Variants in ELF1 observed in about 807,000 individuals in gnomAD.
ELF1 encodes the protein E74 like ETS transcription factor 1, also known as ETS-related transcription factor Elf-1.
A neutral mutation model predicts 59.9 loss-of-function variants in ELF1; 24 were observed. The ratio of observed to expected loss-of-function variants is 0.40; its 90% CI spans 0.29 to 0.56. ELF1 has a LOEUF of 0.56. Among genes scored for constraint, ELF1 ranks in the 20% least tolerant of loss-of-function variants. The pLI, the probability that ELF1 is intolerant of heterozygous loss-of-function variation, is 0.44. For synonymous variants in ELF1, 248 were observed against 266.2 expected (o/e 0.93, Z 0.67); for missense variants, 627 against 742.2 (o/e 0.84, Z 1.80).
intron 1 of ELF1, among the ~76,000 whole-genome samples, chr13:41,040,713 TCTG>T (rs891830281): frequency 6.6e-6 from 1 of 152,170 alleles, no homozygotes; most frequent in Non-Finnish European, 1.5e-5. Context: ...TGCTCGCTCA[TCTG>T]CTGCTCATCT....
At chr13:41,040,410 A>G (rs985220396) in intron 1 of ELF1, among the ~76,000 whole-genome samples, 1 of 152,212 alleles carries the variant, frequency 6.6e-6, no homozygotes, top group Non-Finnish European at 1.5e-5. Context: ...ATACTTATAT[A>G]TGCATGATCT....
At chr13:40,946,366 G>A (rs1870509771) in intron 5 of ELF1, among the ~76,000 whole-genome samples, 1 of 152,114 alleles carries the variant, frequency 6.6e-6, no homozygotes, top group Non-Finnish European at 1.5e-5. Flanking sequence ...CACCCCAAAA[G>A]TACTTTGTGC....
At chr13:41,020,990 TA>T (rs1368853311), upstream of ELF1, among the ~76,000 whole-genome samples, 3 of 152,128 alleles carry the variant, frequency 2.0e-5, no homozygotes, top group South Asian at 6.2e-4. Context: ...CTTACAAAAC[TA>T]AAAATAAACA....
At chr13:41,009,026 C>G (rs1000454939) in intron 1 of ELF1, among the ~76,000 whole-genome samples, 24 of 151,782 alleles carry the variant, frequency 1.6e-4, no homozygotes, top group African/African-American at 5.6e-4. Flanking sequence ...TGGGCTCAAG[C>G]AATCCTCCTG....
At chr13:41,014,028 G>A (rs1593395752) in intron 1 of ELF1, among the ~76,000 whole-genome samples, 2 of 152,074 alleles carry the variant, frequency 1.3e-5, no homozygotes, top group African/African-American at 4.8e-5. Context: ...CGTAGATACT[G>A]CAGCATGTAA....
intron 1 of ELF1, among the ~76,000 whole-genome samples, chr13:41,009,265 T>C (rs1194544947): frequency 2.0e-5 from 3 of 151,738 alleles, no homozygotes; most frequent in Non-Finnish European, 2.9e-5. Flanking sequence ...ATAAAGACGA[T>C]GCAAAGATCA....
At chr13:41,019,838 CA>C (rs1875620140), upstream of ELF1, among the ~76,000 whole-genome samples, 1 of 152,074 alleles carries the variant, frequency 6.6e-6, no homozygotes, top group African/African-American at 2.4e-5. Context: ...GTTCACTAAA[CA>C]GATAAAATCC....
At chr13:41,010,265 A>C (rs1046081636) in intron 1 of ELF1, among the ~76,000 whole-genome samples, 5 of 142,128 alleles carry the variant, frequency 3.5e-5, no homozygotes, top group African/African-American at 5.3e-5. Flanking sequence ...AAAATAAAAA[A>C]GAAAGAAAGA....
chr13:41,054,102 C>A (rs1021608415), intron 1 of ELF1, among the ~76,000 whole-genome samples: 1 of 152,146 alleles, frequency 6.6e-6, no homozygotes. Context: ...CATTTCACAA[C>A]AGGCCTACAT....
At chr13:41,033,674 A>G (rs956753290) in intron 1 of ELF1, among the ~76,000 whole-genome samples, 13 of 152,210 alleles carry the variant, frequency 8.5e-5, no homozygotes, top group Non-Finnish European at 1.6e-4. Context: ...TATCTAGGTT[A>G]CGTGCTCCTT....
chr13:41,048,140 G>C (rs1418286108), intron 1 of ELF1, among the ~76,000 whole-genome samples: 2 of 152,200 alleles, frequency 1.3e-5, no homozygotes, highest in Admixed American at 6.5e-5. Flanking sequence ...ACAGTATTAG[G>C]GTGGGAGTGA....
upstream of ELF1, among the ~76,000 whole-genome samples, chr13:41,020,983 AC>A (rs1593399529): frequency 1.3e-5 from 2 of 152,338 alleles, no homozygotes; most frequent in East Asian, 3.9e-4. Context: ...AACCCACCTT[AC>A]AAAACTAAAA....
At chr13:41,042,464 C>G (rs1005975049) in intron 1 of ELF1, among the ~76,000 whole-genome samples, 3 of 152,080 alleles carry the variant, frequency 2.0e-5, no homozygotes, top group Admixed American at 1.3e-4. Context: ...CCCACTCCCC[C>G]GACCCCACAA....
chr13:41,060,650 C>T (rs1438908020), intron 1 of ELF1, among the ~76,000 whole-genome samples: 3 of 152,208 alleles, frequency 2.0e-5, no homozygotes, highest in Middle Eastern at 3.4e-3. Context: ...CTCACCCAGA[C>T]GGGGACAAGA....
chr13:41,025,933 G>A (rs1022014005), intron 1 of ELF1, among the ~76,000 whole-genome samples: 1 of 152,110 alleles, frequency 6.6e-6, no homozygotes, highest in Non-Finnish European at 1.5e-5. Context: ...ACCTGTCCAT[G>A]AGGCCCACCA....
chr13:41,044,807 A>G (rs571517433), intron 1 of ELF1, among the ~76,000 whole-genome samples: 1 of 152,200 alleles, frequency 6.6e-6, no homozygotes, highest in Non-Finnish European at 1.5e-5. Flanking sequence ...TGCTGGCCTC[A>G]TAAAATGAGT....
intron 1 of ELF1, among the ~76,000 whole-genome samples, chr13:41,034,545 A>G (rs1876295607): frequency 1.3e-5 from 2 of 152,170 alleles, no homozygotes; most frequent in South Asian, 4.1e-4. Flanking sequence ...GTAAAAATAA[A>G]TCTCTTTCAA....
upstream of ELF1, among the ~76,000 whole-genome samples, chr13:41,023,917 T>C (rs552258767): frequency 9.8e-5 from 15 of 152,306 alleles, no homozygotes; most frequent in East Asian, 3.9e-4. Flanking sequence ...TTCGTAAACA[T>C]TGAAATATCT....
Position 40,951,329 on chromosome 13 carries a change from T to G in ELF1, c.361A>C (p.Asn121His). 5 of 1,608,268 alleles carry G rather than the reference T, an allele frequency of 3.1e-6. No individual in the cohort carries two copies. The highest frequency in any genetic ancestry group is 4.3e-6 in the Non-Finnish European group (5 of 1,176,164). ...AACATAAACAATCATAATCACTCACTTATTCGTTTTTCATCCAGCATAGGG... is the reference window on the plus strand; with the variant it reads ...AACATAAACAATCATAATCACTCACGTATTCGTTTTTCATCCAGCATAGGG... ...PGPMLDEKRI[N>H]NNIFSSPEDD... The change falls in exon 4 of 9, where the codon AAT becomes CAT. Residue 121 changes from asparagine (N) to histidine (H), a missense_variant and splice_region_variant. This residue lies in a region of ELF1 where 232 missense variants were observed against 269.2 expected (regional missense o/e 0.86). Coordinates refer to ENST00000239882, the MANE Select transcript of ELF1 (RefSeq NM_172373.4).
Sources: gnomAD v4.1 joint callset for allele counts (sites outside exome capture counted in the v4.1 genomes callset) on GRCh38, gnomAD v4.1.1 for gene constraint, gnomAD v4.1.1 regional missense constraint, MANE v1.5 for transcripts, NCBI Gene and HGNC (gene_info 2026-07-23, HGNC 2026-07-21) for gene names.